RYR2: variants seen among roughly 807,000 people sequenced by gnomAD.
RYR2 encodes the protein cardiac muscle ryanodine receptor-calcium release channel.
RYR2 carries 227 observed loss-of-function variants against 601.1 expected under a neutral mutation model. The observed-to-expected ratio is 0.38, with a 90% CI of 0.34 to 0.42. The LOEUF (loss-of-function observed/expected upper bound fraction) is 0.42, where lower values mean the gene tolerates loss of function less well. Ranked by LOEUF, RYR2 falls within the 10% of genes least tolerant of loss-of-function variation. RYR2 has a pLI of 1.00. For synonymous variants in RYR2, 2,223 were observed against 2,175.1 expected (o/e 1.02, Z -0.61); for missense variants, 4,646 against 6,156.5 (o/e 0.75, Z 8.21).
intron 6 of RYR2, among the ~76,000 whole-genome samples, chr1:237,373,044 A>G (rs1700762704): frequency 6.6e-6 from 1 of 152,206 alleles, no homozygotes; most frequent in Non-Finnish European, 1.5e-5. Context: ...TGTTATTGAA[A>G]AAATTACAAA....
chr1:237,555,018 G>A (rs1426079713), intron 27 of RYR2: 2 of 152,056 alleles, frequency 1.3e-5, no homozygotes, highest in Non-Finnish European at 2.9e-5. Context: ...TGAGTGATCT[G>A]CTGTGGTTAT....
At chr1:237,188,144 G>A (rs1679570531) in intron 1 of RYR2, among the ~76,000 whole-genome samples, 1 of 152,166 alleles carries the variant, frequency 6.6e-6, no homozygotes, top group African/African-American at 2.4e-5. Context: ...AGGTAATTTT[G>A]CTCTGGCAGG....
At position 237,717,397 on chromosome 1, in the gene RYR2, T is replaced by C. The variant is rs899068390; in HGVS notation, c.10494+29T>C. 1.9e-6 allele frequency: 3 copies of C among 1,543,228 alleles called. No individual in the cohort carries two copies. The Admixed American group carries it at 5.7e-5, about 29-fold the overall frequency. On this transcript the variant is annotated intron_variant, in intron 72 of 104. Transcript: ENST00000366574. ...AGTCTCCTTTTCATCCCAGCGGTAA[T>C]GATCATCTGACCTCCAGACTCTCAG...
intron 100 of RYR2, among the ~76,000 whole-genome samples, chr1:237,816,760 T>G (rs554925232): frequency 6.6e-6 from 1 of 152,098 alleles, no homozygotes; most frequent in Admixed American, 6.5e-5. Context: ...GTAAAACAAA[T>G]TCAAACAGTA....
At chr1:237,362,359 C>G (rs1236956690) in intron 4 of RYR2, among the ~76,000 whole-genome samples, 1 of 152,176 alleles carries the variant, frequency 6.6e-6, no homozygotes. Context: ...TATTGAACTT[C>G]TCATTAGTGA....
chr1:237,266,405 C>CAT (rs1317957543), intron 1 of RYR2, among the ~76,000 whole-genome samples: 5 of 151,894 alleles, frequency 3.3e-5, no homozygotes, highest in African/African-American at 1.2e-4. Context: ...ATGTGCATTT[C>CAT]ATATATATGT....
intron 73 of RYR2, among the ~76,000 whole-genome samples, chr1:237,722,729 G>C (rs1265799043): frequency 6.6e-6 from 1 of 152,112 alleles, no homozygotes; most frequent in Non-Finnish European, 1.5e-5. Context: ...CACCGTGCCT[G>C]GCCAATATTT....
chr1:237,377,356 C>G lies in RYR2; in HGVS notation c.497C>G (p.Ser166Cys), dbSNP rs796052203. The G allele has an allele frequency of 6.2e-7, 1 of 1,613,222 alleles. No homozygotes were observed. Among genetic ancestry groups the G allele is most frequent in the Non-Finnish European group, 8.5e-7 (1 of 1,179,416 alleles). The change falls in exon 8 of 105, where the codon TCT (serine) becomes TGT (cysteine). Residue 166 changes from serine (S) to cysteine (C), a missense_variant. Transcript: ENST00000366574. ...EACWWTIHPA[S>C]KQRSEGEKVR... ...TGTTGGTGGACCATACACCCTGCCT[C>G]TAAGCAGCGATCAGAAGGAGAAAAA...
intron 2 of RYR2, among the ~76,000 whole-genome samples, chr1:237,293,782 G>GT (rs1382415478): frequency 6.6e-6 from 1 of 152,164 alleles, no homozygotes; most frequent in East Asian, 1.9e-4. Flanking sequence ...CAGATACCTA[G>GT]TTTTAGTTCA....
intron 1 of RYR2, among the ~76,000 whole-genome samples, chr1:237,224,328 A>G (rs1684130082): frequency 1.3e-5 from 2 of 152,318 alleles, no homozygotes; most frequent in South Asian, 2.1e-4. Flanking sequence ...TGTTTATGTT[A>G]TACCAACTGT....
intron 1 of RYR2, among the ~76,000 whole-genome samples, chr1:237,118,222 A>C (rs1670354661): frequency 6.6e-6 from 1 of 151,738 alleles, no homozygotes; most frequent in Non-Finnish European, 1.5e-5. Flanking sequence ...TTTTTTTTGG[A>C]GAATTGGAGT....
At chr1:237,429,109 G>T (rs1706516481) in intron 12 of RYR2, among the ~76,000 whole-genome samples, 1 of 152,148 alleles carries the variant, frequency 6.6e-6, no homozygotes, top group African/African-American at 2.4e-5. Flanking sequence ...GCTTGGGAGG[G>T]TGTTCAGGAA....
chr1:237,185,249 C>T (rs887518003), intron 1 of RYR2, among the ~76,000 whole-genome samples: 3 of 152,132 alleles, frequency 2.0e-5, no homozygotes, highest in African/African-American at 7.2e-5. Flanking sequence ...ATCCTCCTAC[C>T]TTGGCCTCCC....
At chr1:237,408,314 A>G (rs543718705) in intron 10 of RYR2, among the ~76,000 whole-genome samples, 8 of 151,008 alleles carry the variant, frequency 5.3e-5, no homozygotes, top group African/African-American at 2.0e-4. Context: ...TGAAAAGACT[A>G]TATTTTCTCC....
chr1:237,660,150 A>T, intron 55 of RYR2, 76 bp downstream of exon 55: 2 of 763,676 alleles, frequency 2.6e-6, no homozygotes, highest in Non-Finnish European at 3.8e-6. Flanking sequence ...TATATTTTTT[A>T]TATTAAAATG....
At chr1:237,381,829 G>A (rs1236286718) in intron 8 of RYR2, among the ~76,000 whole-genome samples, 2 of 152,094 alleles carry the variant, frequency 1.3e-5, no homozygotes, top group Admixed American at 6.5e-5. Context: ...CCCAGATAAT[G>A]TCTTTTCTCA....
At chr1:237,663,657 T>C (rs905924335) in intron 56 of RYR2, among the ~76,000 whole-genome samples, 3 of 152,152 alleles carry the variant, frequency 2.0e-5, no homozygotes, top group Non-Finnish European at 4.4e-5. Context: ...ATGTTGTGAG[T>C]GTTCTGGTTA....
intron 55 of RYR2, 69 bp downstream of exon 55, chr1:237,660,143 A>AT (rs1683637577): frequency 1.2e-6 from 1 of 824,120 alleles, no homozygotes; most frequent in East Asian, 3.3e-5. Context: ...TTTTGGTTAT[A>AT]TTTTTTATAT....
intron 5 of RYR2, among the ~76,000 whole-genome samples, chr1:237,368,881 T>C (rs1001810235): frequency 1.3e-5 from 2 of 151,960 alleles, no homozygotes; most frequent in African/African-American, 2.4e-5. Context: ...TGGAGTGCAA[T>C]GGTGCAATCT....
Sources: gnomAD v4.1 joint callset for allele counts (sites outside exome capture counted in the v4.1 genomes callset) on GRCh38, gnomAD v4.1.1 for gene constraint, MANE v1.5 for transcripts, NCBI Gene and HGNC (gene_info 2026-07-23, HGNC 2026-07-21) for gene names.